BNC2: variants seen among roughly 807,000 people sequenced by gnomAD.
BNC2 encodes basonuclin zinc finger protein 2.
In BNC2, 20 loss-of-function variants were observed where a neutral mutation model predicts 76.3. The observed-to-expected ratio is 0.26, with a 90% CI of 0.18 to 0.38. The LOEUF (loss-of-function observed/expected upper bound fraction) is 0.38. Among genes scored for constraint, BNC2 ranks in the 10% least tolerant of loss-of-function variants. BNC2 has a pLI of 1.00. For missense variants in BNC2, 1,382 were observed against 1,399.8 expected, an observed-to-expected ratio of 0.99 and a Z score of 0.20; for synonymous variants, 582 against 514.8, an observed-to-expected ratio of 1.13 and a Z score of -1.77.
At chr9:16,708,665 A>G (rs1353962176) in intron 3 of BNC2, among the ~76,000 whole-genome samples, 2 of 152,138 alleles carry the variant, frequency 1.3e-5, no homozygotes, top group African/African-American at 4.8e-5. Context: ...AGAAAAAGAA[A>G]TAAGAATGAG....
intron 1 of BNC2, among the ~76,000 whole-genome samples, chr9:16,801,516 G>A (rs537538753): frequency 2.5e-4 from 38 of 151,886 alleles, no homozygotes; most frequent in African/African-American, 7.5e-4. Context: ...GATTACAGGC[G>A]TGAGCCACCG....
chr9:16,627,525 G>A (rs991448735), intron 3 of BNC2, among the ~76,000 whole-genome samples: 3 of 152,220 alleles, frequency 2.0e-5, no homozygotes, highest in African/African-American at 7.2e-5. Flanking sequence ...CCAGGATTGA[G>A]CATTACAGAG....
intron 3 of BNC2, among the ~76,000 whole-genome samples, chr9:16,721,072 G>C (rs779254977): frequency 6.6e-6 from 1 of 152,116 alleles, no homozygotes; most frequent in Non-Finnish European, 1.5e-5. Context: ...AAAGATGGCA[G>C]TACAGGTCAG....
rs752635699 is a variant in BNC2 at position 16,727,893 on chromosome 9, G to C, written c.234C>G (p.Ser78=). 6.2e-7 allele frequency: 1 copy of C among 1,614,060 alleles called. No individual in the cohort carries two copies. Among genetic ancestry groups the C allele is most frequent in the Non-Finnish European group, 8.5e-7 (1 of 1,180,024 alleles). ...TAGTCGTTCTGGTTCCGAACTGCAT[G>C]GAGTTGTCAGTACAGGAGTCTCTTA... ...LTLRDSCTDN[S]MQFGTRTTTA... The change falls in exon 3 of 7, where the codon TCC becomes TCG. Residue 78 remains serine, a synonymous_variant. Transcript: ENST00000380672.
intron 1 of BNC2, among the ~76,000 whole-genome samples, chr9:16,807,853 A>C (rs1029992991): frequency 6.6e-6 from 1 of 152,178 alleles, no homozygotes; most frequent in Non-Finnish European, 1.5e-5. Flanking sequence ...AATGAACTTA[A>C]AAATTTCCTA....
At chr9:16,564,739 G>A (rs1819121259) in intron 4 of BNC2, among the ~76,000 whole-genome samples, 1 of 152,034 alleles carries the variant, frequency 6.6e-6, no homozygotes, top group South Asian at 2.1e-4. Flanking sequence ...CTAAATTCAA[G>A]AAAAAGGAAA....
chr9:16,691,370 TGC>T (rs1359460985), intron 3 of BNC2, among the ~76,000 whole-genome samples: 1 of 152,228 alleles, frequency 6.6e-6, no homozygotes. Context: ...ACTTCGCTAG[TGC>T]TTTACTCGAA....
intron 1 of BNC2, among the ~76,000 whole-genome samples, chr9:16,799,256 AT>A (rs975012768): frequency 2.0e-5 from 3 of 151,806 alleles, no homozygotes; most frequent in Admixed American, 1.3e-4. Flanking sequence ...CCTTCCAGTC[AT>A]TTTTTTTCCT....
At chr9:16,537,789 C>T (rs1308604092) in intron 5 of BNC2, among the ~76,000 whole-genome samples, 4 of 152,102 alleles carry the variant, frequency 2.6e-5, no homozygotes, top group Non-Finnish European at 5.9e-5. Flanking sequence ...TCTAGGAAAC[C>T]ACAACTTATG....
intron 1 of BNC2, among the ~76,000 whole-genome samples, chr9:16,804,299 C>T (rs780006143): frequency 7.2e-5 from 11 of 152,170 alleles, no homozygotes; most frequent in Non-Finnish European, 1.2e-4. Context: ...ACACAATCCC[C>T]AGAACGTTTT....
intron 5 of BNC2, among the ~76,000 whole-genome samples, chr9:16,496,311 C>G (rs1300960890): frequency 6.6e-6 from 1 of 152,124 alleles, no homozygotes; most frequent in East Asian, 1.9e-4. Flanking sequence ...GCTTCTTTTA[C>G]TAAGATAAAG....
chr9:16,791,935 T>C (rs1350374491), intron 1 of BNC2, among the ~76,000 whole-genome samples: 1 of 152,000 alleles, frequency 6.6e-6, no homozygotes, highest in African/African-American at 2.4e-5. Context: ...AAACTCCATC[T>C]CTATCAAAAT....
chr9:16,724,027 T>C (rs987463439), intron 3 of BNC2, among the ~76,000 whole-genome samples: 35 of 152,104 alleles, frequency 2.3e-4, no homozygotes, highest in African/African-American at 8.4e-4. Context: ...TACTACATAA[T>C]GATGCAGAGA....
chr9:16,479,220 A>G (rs538744869), intron 5 of BNC2, among the ~76,000 whole-genome samples: 1 of 150,274 alleles, frequency 6.7e-6, no homozygotes, highest in East Asian at 2.0e-4. Context: ...ACTGTACTCC[A>G]GCCTGGGCGA....
intron 1 of BNC2, among the ~76,000 whole-genome samples, chr9:16,785,400 C>CT (rs1826260346): frequency 6.6e-6 from 1 of 151,842 alleles, no homozygotes; most frequent in Non-Finnish European, 1.5e-5. Context: ...CTATGTATTT[C>CT]TTTTTTTTAG....
chr9:16,598,907 C>T (rs889144766), intron 3 of BNC2, among the ~76,000 whole-genome samples: 4 of 152,188 alleles, frequency 2.6e-5, no homozygotes, highest in African/African-American at 9.6e-5. Flanking sequence ...GTATTTTTCA[C>T]TTCTATTTCC....
chr9:16,525,923 A>T (rs573803104), intron 5 of BNC2, among the ~76,000 whole-genome samples: 171 of 152,246 alleles, frequency 1.1e-3, no homozygotes, highest in African/African-American at 3.9e-3. Context: ...TTTAGAATAC[A>T]TTTTAACTTT....
chr9:16,554,418 A>T (rs1249456369), intron 4 of BNC2, among the ~76,000 whole-genome samples: 1 of 152,168 alleles, frequency 6.6e-6, no homozygotes, highest in East Asian at 1.9e-4. Flanking sequence ...GCTTCATTCA[A>T]CACATTTACT....
intron 3 of BNC2, among the ~76,000 whole-genome samples, chr9:16,646,351 G>A (rs1263771643): frequency 6.6e-6 from 1 of 152,098 alleles, no homozygotes; most frequent in African/African-American, 2.4e-5. Context: ...CCACTATATA[G>A]AAACAACTCA....
Sources: allele counts gnomAD v4.1 joint callset (sites outside exome capture counted in the v4.1 genomes callset), GRCh38; gene constraint gnomAD v4.1.1; transcripts MANE v1.5; gene names NCBI Gene and HGNC (gene_info 2026-07-23, HGNC 2026-07-21).